PTPRG: variants seen among roughly 807,000 people sequenced by gnomAD.
PTPRG encodes receptor-type tyrosine-protein phosphatase gamma.
A neutral mutation model predicts 165.3 loss-of-function variants in PTPRG; 102 were observed. The ratio of observed to expected loss-of-function variants is 0.62; its 90% CI spans 0.53 to 0.73. The LOEUF is 0.73. PTPRG is among the 30% of genes least tolerant of loss of function. The pLI, the probability that PTPRG is intolerant of heterozygous loss-of-function variation, is 0.00. For synonymous variants in PTPRG, 675 were observed against 669.5 expected, an observed-to-expected ratio of 1.01 and a Z score of -0.13; for missense variants, 1,866 against 1,861.4, an observed-to-expected ratio of 1.00 and a Z score of -0.05.
intron 1 of PTPRG, among the ~76,000 whole-genome samples, chr3:61,616,750 C>G (rs1701309103): frequency 1.3e-5 from 2 of 152,202 alleles, no homozygotes; most frequent in South Asian, 4.1e-4. Context: ...AGATTTCATT[C>G]TCTCAATTGA....
At chr3:62,065,852 T>G (rs1311509141) in intron 4 of PTPRG, among the ~76,000 whole-genome samples, 1 of 152,184 alleles carries the variant, frequency 6.6e-6, no homozygotes, top group African/African-American at 2.4e-5. Context: ...CCAGCTAACC[T>G]TAAAAATACT....
At chr3:62,292,592 A>G (rs1702938204) in intron 29 of PTPRG, 36 bp downstream of exon 29, 1 of 1,601,622 alleles carries the variant, frequency 6.2e-7, no homozygotes, top group African/African-American at 1.3e-5. Context: ...CCTGTACTAC[A>G]TCAGTTGAAA....
At chr3:61,977,199 C>T (rs1421873168) in intron 2 of PTPRG, among the ~76,000 whole-genome samples, 4 of 133,136 alleles carry the variant, frequency 3.0e-5, no homozygotes, top group African/African-American at 1.3e-4. Context: ...TCCCCCACCC[C>T]CCACACTCCA....
chr3:61,949,306 C>T (rs1212483479), intron 2 of PTPRG, among the ~76,000 whole-genome samples: 1 of 152,012 alleles, frequency 6.6e-6, no homozygotes, highest in Non-Finnish European at 1.5e-5. Flanking sequence ...TTGATGGTAG[C>T]GTAATGAGGA....
At chr3:62,232,022 T>C (rs1235874704) in intron 14 of PTPRG, among the ~76,000 whole-genome samples, 1 of 152,192 alleles carries the variant, frequency 6.6e-6, no homozygotes, top group Non-Finnish European at 1.5e-5. Flanking sequence ...TATCTTTTAA[T>C]ATTAAGTTGC....
At chr3:61,700,145 G>A (rs2106700363) in intron 1 of PTPRG, among the ~76,000 whole-genome samples, 1 of 152,194 alleles carries the variant, frequency 6.6e-6, no homozygotes, top group South Asian at 2.1e-4. Flanking sequence ...ATTCTTCTCT[G>A]TACCCCCTAA....
intron 14 of PTPRG, among the ~76,000 whole-genome samples, chr3:62,238,771 TAAGAG>T (rs1454778505): frequency 6.6e-6 from 1 of 152,036 alleles, no homozygotes. Flanking sequence ...ACTTTACTGA[TAAGAG>T]AGAGAGAGAG....
intron 2 of PTPRG, among the ~76,000 whole-genome samples, chr3:61,765,610 G>T (rs2033992904): frequency 6.6e-6 from 1 of 152,098 alleles, no homozygotes; most frequent in African/African-American, 2.4e-5. Context: ...TTTCTTAAAT[G>T]ATCACTTTTC....
intron 8 of PTPRG, among the ~76,000 whole-genome samples, chr3:62,186,567 C>CTTTTTTTTTTTT (rs35133425): frequency 0.025 from 2,876 of 116,910 alleles, 148 homozygotes; most frequent in East Asian, 0.15. Context: ...TTTTCTTTTC[C>CTTTTTTTTTTTT]TTTTTTTTTT....
At chr3:61,785,327 A>G (rs1393369523) in intron 2 of PTPRG, among the ~76,000 whole-genome samples, 1 of 152,234 alleles carries the variant, frequency 6.6e-6, no homozygotes, top group East Asian at 1.9e-4. Context: ...CTATCTAGAA[A>G]AATTAAACCG....
intron 8 of PTPRG, among the ~76,000 whole-genome samples, chr3:62,175,657 A>G (rs575276831): frequency 6.6e-6 from 1 of 152,228 alleles, no homozygotes; most frequent in South Asian, 2.1e-4. Context: ...GTCCCTCATC[A>G]TGGAGTTTAC....
chr3:61,957,142 T>C (rs1479397), intron 2 of PTPRG, among the ~76,000 whole-genome samples: 23,904 of 152,046 alleles, frequency 0.16, 2,014 homozygotes, highest in East Asian at 0.26. Flanking sequence ...CTGAGAAGAG[T>C]TGAGAATTAA....
At chr3:61,853,050 G>A (rs1050979983) in intron 2 of PTPRG, among the ~76,000 whole-genome samples, 4 of 152,182 alleles carry the variant, frequency 2.6e-5, no homozygotes, top group African/African-American at 9.7e-5. Flanking sequence ...GTTACATGCA[G>A]GGGATAGGAT....
At chr3:61,671,586 A>G (rs1300492209) in intron 1 of PTPRG, among the ~76,000 whole-genome samples, 3 of 144,622 alleles carry the variant, frequency 2.1e-5, no homozygotes, top group South Asian at 2.3e-4. Context: ...TCTTTTCCCC[A>G]CCTTTCCCCC....
intron 12 of PTPRG, among the ~76,000 whole-genome samples, chr3:62,218,243 A>G (rs1413517461): frequency 6.6e-6 from 1 of 152,154 alleles, no homozygotes; most frequent in Non-Finnish European, 1.5e-5. Context: ...CAGAGCAGGG[A>G]GCCCCACACT....
intron 5 of PTPRG, among the ~76,000 whole-genome samples, chr3:62,112,759 C>CATT (rs1232171150): frequency 2.0e-5 from 3 of 152,168 alleles, no homozygotes; most frequent in African/African-American, 7.2e-5. Flanking sequence ...CACCTGGAAA[C>CATT]ATTACCATCT....
intron 12 of PTPRG, among the ~76,000 whole-genome samples, chr3:62,205,445 G>A (rs1350822852): frequency 6.6e-6 from 1 of 152,210 alleles, no homozygotes. Context: ...CTTGGGGTTT[G>A]CATTCTGGTA....
At chr3:61,885,054 C>T (rs776839782) in intron 2 of PTPRG, among the ~76,000 whole-genome samples, 1 of 151,754 alleles carries the variant, frequency 6.6e-6, no homozygotes, top group African/African-American at 2.4e-5. Flanking sequence ...CTTTCATTGT[C>T]GGCTGTAGTA....
At chr3:61,655,671 C>T (rs377338930) in intron 1 of PTPRG, among the ~76,000 whole-genome samples, 1 of 152,126 alleles carries the variant, frequency 6.6e-6, no homozygotes, top group African/African-American at 2.4e-5. Context: ...GATCACGGCT[C>T]ACCACAGCTC....
Sources: gnomAD v4.1 joint callset for allele counts (sites outside exome capture counted in the v4.1 genomes callset) on GRCh38, gnomAD v4.1.1 for gene constraint, MANE v1.5 for transcripts, NCBI Gene and HGNC (gene_info 2026-07-23, HGNC 2026-07-21) for gene names.